SLC51B: variants seen among roughly 807,000 people sequenced by gnomAD.
SLC51B encodes the protein SLC51 subunit beta.
Under a neutral mutation model 8.0 loss-of-function variants are expected in SLC51B, and 6 were observed. That is an observed-to-expected ratio of 0.75 (90% CI 0.41 to 1.48). SLC51B has a LOEUF of 1.48. SLC51B is among the 40% of genes most tolerant of loss of function. The pLI is 0.01. For synonymous variants in SLC51B, 61 were observed against 54.8 expected (o/e 1.11, Z -0.50); for missense variants, 150 against 149.7 (o/e 1.00, Z -0.01).
chr15:65,049,064 AATAT>A (rs2086613055), intron 1 of SLC51B: 1 of 151,760 alleles, frequency 6.6e-6, no homozygotes, highest in South Asian at 2.1e-4. Context: ...TGGCCTGAAT[AATAT>A]ATGTTGTCAA....
At chr15:65,052,884 A>T in intron 3 of SLC51B, 82 bp from the exon 4 acceptor site, 1 of 1,317,906 alleles carries the variant, frequency 7.6e-7, no homozygotes, top group Non-Finnish European at 1.1e-6. Flanking sequence ...TTTTCCCCTT[A>T]GACTCTTTAA....
intron 2 of SLC51B, among the ~76,000 whole-genome samples, chr15:65,051,065 A>C (rs2086647650): frequency 6.6e-6 from 1 of 151,838 alleles, no homozygotes; most frequent in Non-Finnish European, 1.5e-5. Context: ...GCTGGTCTTG[A>C]ACTCCCGACC....
chr15:65,046,316 C>T (rs1314169187), intron 1 of SLC51B, among the ~76,000 whole-genome samples: 1 of 148,660 alleles, frequency 6.7e-6, no homozygotes, highest in Non-Finnish European at 1.5e-5. Flanking sequence ...TAAATAAATA[C>T]AAAATTAGCT....
At chr15:65,052,916 T>C (rs1311127076) in intron 3 of SLC51B, 50 bp from the exon 4 acceptor site, 1 of 1,584,462 alleles carries the variant, frequency 6.3e-7, no homozygotes, top group South Asian at 1.1e-5. Context: ...GACCCAGTCC[T>C]GCCCCAACCA....
chr15:65,050,124 C>T, intron 2 of SLC51B, 23 bp downstream of exon 2: 1 of 1,541,126 alleles, frequency 6.5e-7, no homozygotes, highest in Non-Finnish European at 8.8e-7. Context: ...AGATTGACGG[C>T]AGGGGTGGGG....
At chr15:65,047,018 ATTG>A (rs893788403) in intron 1 of SLC51B, among the ~76,000 whole-genome samples, 2 of 152,220 alleles carry the variant, frequency 1.3e-5, no homozygotes, top group African/African-American at 4.8e-5. Context: ...AAAAATTGGA[ATTG>A]TTGTCTCAAA....
chr15:65,053,073 A>G lies in SLC51B; in HGVS notation c.296A>G (p.Glu99Gly). The G allele has an allele frequency of 6.2e-7, 1 of 1,614,198 alleles. No homozygotes were observed. The highest frequency in any genetic ancestry group is 8.5e-7 in the Non-Finnish European group (1 of 1,180,050). ...AACCTAAGAGAAACTTTGCTCTCAG[A>G]AAAGCCAAACTTGGCCCAGGTGGAA... Reference protein sequence around the residue: ...LNNLRETLLSEKPNLAQVELE... With the variant: ...LNNLRETLLSGKPNLAQVELE... The change falls in exon 4 of 4, where the codon GAA becomes GGA. Residue 99 changes from glutamate (E) to glycine (G), a missense_variant. By Grantham distance (98) the Glu-to-Gly change is moderately conservative (BLOSUM62 -2). Transcript: ENST00000334287.
At chr15:65,052,662 G>A (rs12907936) in intron 3 of SLC51B, among the ~76,000 whole-genome samples, 1 of 152,094 alleles carries the variant, frequency 6.6e-6, no homozygotes, top group Non-Finnish European at 1.5e-5. Flanking sequence ...CTCCCAAAGT[G>A]CTGGGATTAC....
At chr15:65,046,410 C>T (rs954714394) in intron 1 of SLC51B, among the ~76,000 whole-genome samples, 19 of 152,080 alleles carry the variant, frequency 1.2e-4, no homozygotes, top group Admixed American at 2.6e-4. Flanking sequence ...GTGGAGGTTG[C>T]AGTGAGCTGA....
intron 2 of SLC51B, 127 bp from the exon 3 acceptor site, chr15:65,051,388 G>T (rs937494113): frequency 2.4e-6 from 2 of 834,430 alleles, no homozygotes; most frequent in African/African-American, 3.4e-5. Flanking sequence ...GCCCATCTTT[G>T]ATTAGGGTCT....
Position 65,049,940 on chromosome 15 carries a change from C to T in SLC51B, c.-65C>T. 1.5e-6 allele frequency: 2 copies of T among 1,329,778 alleles called. No individual in the cohort carries two copies. The highest frequency in any genetic ancestry group is 2.2e-5 in the Admixed American group (1 of 46,416). The allele number at this position is 1,329,778 out of a possible 1,614,324, so 82.4% of individuals were successfully genotyped here. ...TGCCCAGGGGCCAGAACCGAGGAGG[C>T]CAGGAGGGCTGCTGGGGCTAAGGGG... On this transcript the variant is annotated 5_prime_UTR_variant, in exon 2 of 4. Transcript: ENST00000334287.
chr15:65,050,836 C>CTTTTTTTTTTT (rs57404080), intron 2 of SLC51B, among the ~76,000 whole-genome samples: 5 of 95,650 alleles, frequency 5.2e-5, no homozygotes, highest in Non-Finnish European at 5.6e-5. Flanking sequence ...TCTTCTTCTT[C>CTTTTTTTTTTT]TTTTTTTTTT....
Position 65,053,331 on chromosome 15 carries a change from C to A in SLC51B, c.*167C>A. 7.1e-7 allele frequency: 1 copy of A among 1,417,330 alleles called. No homozygotes were observed. Among genetic ancestry groups the A allele is most frequent in the South Asian group, 1.6e-5 (1 of 62,810 alleles). The allele number at this position is 1,417,330 out of a possible 1,614,324, so 87.8% of individuals were successfully genotyped here. ...ATACAATGAATGAACTGCAAGCAAA[C>A]TAAAATTCTGTTATTAAAAAAAATC... On this transcript the variant is annotated 3_prime_UTR_variant, in exon 4 of 4. Transcript: ENST00000334287.
chr15:65,047,990 G>A (rs1038565830), intron 1 of SLC51B, among the ~76,000 whole-genome samples: 18 of 152,058 alleles, frequency 1.2e-4, no homozygotes, highest in Admixed American at 1.0e-3. Flanking sequence ...ACCAGCCTGG[G>A]AAACATGAGG....
Position 65,052,936 on chromosome 15 carries a change from C to G in SLC51B, c.189-30C>G, listed in dbSNP as rs1350641540. ...AGTCCTGCCCCAACCACTCAGCCCC[C>G]CTCATTAACACTGTTCCCTGTCCCC... On this transcript the variant is annotated intron_variant, in intron 3 of 3. Coordinates refer to ENST00000334287, the MANE Select transcript of SLC51B (RefSeq NM_178859.4). 3.3e-6 allele frequency: 5 copies of G among 1,521,966 alleles called. No individual in the cohort carries two copies. The Admixed American group carries it at 8.6e-5, about 26-fold the overall frequency. 94.3% of individuals were successfully genotyped at this position (1,521,966 alleles called of 1,614,324 possible).
chr15:65,051,560 T>A lies in SLC51B; in HGVS notation c.143T>A (p.Val48Asp). ...ATCCTTGCCCTGGCAGCTGTGGTGG[T>A]CATTATAAGCATGGTCCTCCTGGGA... is the stretch of plus-strand genomic sequence containing the variant. ...HSILALAAVVVIISMVLLGRS... is the reference protein window; with the variant it reads ...HSILALAAVVDIISMVLLGRS... The change falls in exon 3 of 4, where the codon GTC (valine) becomes GAC (aspartate). Residue 48 changes from valine to aspartate, a missense_variant. Val to Asp is a radical substitution (Grantham distance 152, BLOSUM62 -3). Coordinates refer to ENST00000334287, the MANE Select transcript of SLC51B (RefSeq NM_178859.4). 1.2e-6 allele frequency: 2 copies of A among 1,613,584 alleles called. No individual in the cohort carries two copies. Among genetic ancestry groups the A allele is most frequent in the Non-Finnish European group, 1.7e-6 (2 of 1,179,782 alleles).
rs546242693 is a variant in SLC51B, at chr15:65,053,251, C to T, written c.*87C>T. On this transcript the variant is annotated 3_prime_UTR_variant, in exon 4 of 4. Coordinates refer to ENST00000334287, the MANE Select transcript of SLC51B (RefSeq NM_178859.4). ...TGAAACCTCTCAGGTTTTAGAGTCTCTCCCAAGAAGCCGCTTTTTTCTTTT... is the reference window on the plus strand; with the variant it reads ...TGAAACCTCTCAGGTTTTAGAGTCTTTCCCAAGAAGCCGCTTTTTTCTTTT... The T allele has an allele frequency of 6.6e-7, 1 of 1,511,798 alleles. No homozygotes were observed. Among genetic ancestry groups the T allele is most frequent in the East Asian group, 2.3e-5 (1 of 42,922 alleles). 93.6% of individuals were successfully genotyped at this position (1,511,798 alleles called of 1,614,324 possible).
In SLC51B at chr15:65,052,977, T is replaced by A; in HGVS notation, c.200T>A (p.Met67Lys). 4 of 1,555,604 alleles carry A rather than the reference T, an allele frequency of 2.6e-6. No homozygotes were observed. The highest frequency in any genetic ancestry group is 3.5e-6 in the Non-Finnish European group (4 of 1,145,386). ...CCCTGTCCCCCCAGAAAAGAAAAGA[T>A]GCAGCCACCAGAAAAAGAAACTCCA... ...RSIQASRKEK[M>K]QPPEKETPEV... The change falls in exon 4 of 4, where the codon ATG (methionine) becomes AAG (lysine). Residue 67 changes from methionine (M) to lysine (K), a missense_variant. Coordinates refer to ENST00000334287, the MANE Select transcript of SLC51B (RefSeq NM_178859.4).
At chr15:65,051,309 G>A (rs746463662) in intron 2 of SLC51B, among the ~76,000 whole-genome samples, 1 of 152,136 alleles carries the variant, frequency 6.6e-6, no homozygotes, top group Non-Finnish European at 1.5e-5. Flanking sequence ...ATTAGATTAG[G>A]GCTTCTCCAG....
Sources: allele counts gnomAD v4.1 joint callset (sites outside exome capture counted in the v4.1 genomes callset), GRCh38; gene constraint gnomAD v4.1.1; transcripts MANE v1.5; gene names NCBI Gene and HGNC (gene_info 2026-07-23, HGNC 2026-07-21).